The following PHF21A variants were observed in gnomAD, a reference collection of about 807,000 sequenced individuals.
PHF21A encodes BHC80a.
A neutral mutation model predicts 82.5 loss-of-function variants in PHF21A; 11 were observed. That is an observed-to-expected ratio of 0.13 (90% confidence interval 0.08 to 0.22). The LOEUF is 0.22. PHF21A is among the 10% of genes least tolerant of loss of function. PHF21A has a pLI of 1.00. For missense variants in PHF21A, 579 were observed against 837.8 expected (o/e 0.69, Z 3.81); for synonymous variants, 297 against 302.8 (o/e 0.98, Z 0.20).
intron 6 of PHF21A, among the ~76,000 whole-genome samples, chr11:46,055,239 T>C (rs115509848): frequency 1.1e-3 from 160 of 152,318 alleles, no homozygotes; most frequent in African/African-American, 3.8e-3. Context: ...AGCAAATTTT[T>C]AGTAATTTTT....
In PHF21A at chr11:45,930,697, G is replaced by C. The variant is rs2087579441; in HGVS notation, c.*3271C>G. The C allele has an allele frequency of 6.6e-6, 1 of 152,408 alleles. No homozygotes were observed. 9.4% of individuals were successfully genotyped at this position (152,408 alleles called of 1,614,324 possible). ...CCACCAGGGCGCAGCGCCTGATCAG[G>C]AGCTGGCAGGGGACTCCCAGTCAGG... On this transcript the variant is annotated 3_prime_UTR_variant, in exon 19 of 19. Coordinates refer to ENST00000676320, the MANE Select transcript of PHF21A (RefSeq NM_001352027.3).
At chr11:46,067,260 A>G (rs1402352911) in intron 6 of PHF21A, among the ~76,000 whole-genome samples, 1 of 152,184 alleles carries the variant, frequency 6.6e-6, no homozygotes, top group East Asian at 1.9e-4. Context: ...AAAACATCCC[A>G]GGTTGAAGAA....
At chr11:45,969,706 C>T (rs572716786) in intron 9 of PHF21A, 109 bp downstream of exon 9, 75 of 694,420 alleles carry the variant, frequency 1.1e-4, no homozygotes, top group Middle Eastern at 2.5e-4. Context: ...TTTAGCTAAG[C>T]GGGATAGACA....
intron 6 of PHF21A, among the ~76,000 whole-genome samples, chr11:46,028,812 T>C (rs1195551455): frequency 1.3e-5 from 2 of 152,182 alleles, no homozygotes; most frequent in African/African-American, 2.4e-5. Flanking sequence ...GACCTCATCG[T>C]CCACTCGCCT....
intron 6 of PHF21A, among the ~76,000 whole-genome samples, chr11:46,047,897 G>T (rs986728740): frequency 6.6e-6 from 1 of 152,160 alleles, no homozygotes; most frequent in African/African-American, 2.4e-5. Flanking sequence ...GAAAATATGG[G>T]TTCTCCTAGC....
Position 46,057,232 on chromosome 11 carries a change from G to A in PHF21A, c.153+19522C>T, listed in dbSNP as rs1448896275. Among the ~76,000 whole-genome samples the A allele has an allele frequency of 2.6e-5, 4 of 152,244 alleles. No homozygotes were observed. In the East Asian group the frequency reaches 7.7e-4, roughly 29 times the overall value. ...TTTCCATCTTGGAACTACATAAGCA[G>A]TTGCCCTATCAATGTACACTCAACT... On this transcript the variant is annotated intron_variant, in intron 6 of 18. Coordinates refer to ENST00000676320, the MANE Select transcript of PHF21A (RefSeq NM_001352027.3).
intron 11 of PHF21A, among the ~76,000 whole-genome samples, chr11:45,951,215 A>G (rs2092064246): frequency 6.6e-6 from 1 of 152,246 alleles, no homozygotes; most frequent in Non-Finnish European, 1.5e-5. Context: ...TATTTCTCTG[A>G]TGAATAAAGA....
chr11:45,954,385 T>C (rs566889209), intron 10 of PHF21A, among the ~76,000 whole-genome samples: 2 of 152,266 alleles, frequency 1.3e-5, no homozygotes, highest in African/African-American at 4.8e-5. Context: ...CACAGTCTCC[T>C]ATTTCGGAAC....
chr11:46,025,695 A>C (rs1374440790), intron 6 of PHF21A, among the ~76,000 whole-genome samples: 2 of 152,198 alleles, frequency 1.3e-5, no homozygotes, highest in African/African-American at 4.8e-5. Flanking sequence ...CAAATTCCCC[A>C]AAAATGTTAT....
intron 1 of PHF21A, among the ~76,000 whole-genome samples, chr11:46,103,281 T>C (rs2097118914): frequency 6.6e-6 from 1 of 152,234 alleles, no homozygotes; most frequent in Admixed American, 6.5e-5. Context: ...AAACAACTTT[T>C]ACAGATTCTG....
At position 45,930,028 on chromosome 11, in the gene PHF21A, T is replaced by C. The variant is rs2087519610; in HGVS notation, c.*3940A>G. 1 of 152,296 alleles carries C rather than the reference T, an allele frequency of 6.6e-6. No homozygotes were observed. The highest frequency in any genetic ancestry group is 2.4e-5 in the African/African-American group (1 of 41,454). The allele number at this position is 152,296 out of a possible 1,614,324, so 9.4% of individuals were successfully genotyped here. ...CCTGGAAAATGCACCTGGGCCACCA[T>C]CCATCTCATTACCCTAAGAGCCTTT... On this transcript the variant is annotated 3_prime_UTR_variant, in exon 19 of 19. Coordinates refer to ENST00000676320, the MANE Select transcript of PHF21A (RefSeq NM_001352027.3).
intron 7 of PHF21A, among the ~76,000 whole-genome samples, chr11:45,973,635 T>C (rs1295300384): frequency 6.6e-6 from 1 of 152,204 alleles, no homozygotes; most frequent in Non-Finnish European, 1.5e-5. Flanking sequence ...CTATTTATTA[T>C]TAGAAATGGT....
intron 3 of PHF21A, among the ~76,000 whole-genome samples, chr11:46,089,740 T>C (rs1356076703): frequency 6.8e-6 from 1 of 147,178 alleles, no homozygotes; most frequent in Non-Finnish European, 1.5e-5. Flanking sequence ...ATTACATTTA[T>C]GATATCTAAA....
chr11:45,954,477 G>T (rs1458966309), intron 10 of PHF21A, among the ~76,000 whole-genome samples: 1 of 152,086 alleles, frequency 6.6e-6, no homozygotes, highest in Non-Finnish European at 1.5e-5. Flanking sequence ...TCCATCAGAG[G>T]AGAGATGCAA....
chr11:46,002,417 TA>T (rs1204436892), intron 6 of PHF21A, among the ~76,000 whole-genome samples: 17 of 152,316 alleles, frequency 1.1e-4, no homozygotes, highest in African/African-American at 4.1e-4. Context: ...TAAAATTTAT[TA>T]ACTTTCCAAT....
intron 6 of PHF21A, among the ~76,000 whole-genome samples, chr11:46,049,958 A>G (rs545864427): frequency 6.6e-6 from 1 of 152,362 alleles, no homozygotes; most frequent in Non-Finnish European, 1.5e-5. Context: ...CCTGTGATTA[A>G]CTCAATCAAA....
chr11:46,018,667 A>C (rs535629813), intron 6 of PHF21A, among the ~76,000 whole-genome samples: 1 of 152,358 alleles, frequency 6.6e-6, no homozygotes, highest in Admixed American at 6.5e-5. Context: ...ACTTGGCAAA[A>C]GATAATTTGG....
intron 6 of PHF21A, among the ~76,000 whole-genome samples, chr11:46,018,332 A>G (rs1050023801): frequency 6.6e-6 from 1 of 152,176 alleles, no homozygotes; most frequent in African/African-American, 2.4e-5. Context: ...AGAATGCCCA[A>G]TGATCTGTTA....
rs186935972 is a variant in PHF21A at position 46,100,302 on chromosome 11, T to C, written c.-236-8079A>G. On this transcript the variant is annotated intron_variant, in intron 1 of 18. Coordinates refer to ENST00000676320, the MANE Select transcript of PHF21A (RefSeq NM_001352027.3). ...AAAAAATCCCATGAGCATGGACTTTTTTCCTAAGTCTCTTCATCAGAGCAG... is the reference window on the plus strand; with the variant it reads ...AAAAAATCCCATGAGCATGGACTTTCTTCCTAAGTCTCTTCATCAGAGCAG... Among the ~76,000 whole-genome samples, 207 of 152,272 alleles carry C rather than the reference T, an allele frequency of 1.4e-3. 2 individuals are homozygous for C. Among genetic ancestry groups the C allele is most frequent in the East Asian group, 5.8e-4 (3 of 5,184 alleles).
Sources: gnomAD v4.1 joint callset for allele counts (sites outside exome capture counted in the v4.1 genomes callset) on GRCh38, gnomAD v4.1.1 for gene constraint, MANE v1.5 for transcripts, NCBI Gene and HGNC (gene_info 2026-07-23, HGNC 2026-07-21) for gene names.